The following N4BP2L2 variants were observed in gnomAD, a reference collection of about 807,000 sequenced individuals.
N4BP2L2 encodes the protein NEDD4-binding protein 2-like 2.
A neutral mutation model predicts 56.2 loss-of-function variants in N4BP2L2; 50 were observed. The ratio of observed to expected loss-of-function variants is 0.89; its 90% CI spans 0.71 to 1.13. N4BP2L2 has a LOEUF of 1.13. Among genes scored for constraint, N4BP2L2 ranks in the 50% most tolerant of loss-of-function variants. The pLI is 0.00. For synonymous variants in N4BP2L2, 203 were observed against 223.6 expected, an observed-to-expected ratio of 0.91 and a Z score of 0.82; for missense variants, 689 against 693.8, an observed-to-expected ratio of 0.99 and a Z score of 0.08.
At chr13:32,522,503 C>G in intron 3 of N4BP2L2, 1 of 301,884 alleles carries the variant, frequency 3.3e-6, no homozygotes, top group Non-Finnish European at 5.9e-6. Context: ...GACAAACTGG[C>G]TCTGAAAGGC....
chr13:32,441,888 AAAATAAATAAAT>A (rs201117316), intron 7 of N4BP2L2, among the ~76,000 whole-genome samples: 43 of 138,908 alleles, frequency 3.1e-4, no homozygotes, highest in East Asian at 6.5e-4. Flanking sequence ...CTAAAAATAC[AAAATAAATAAAT>A]AAATAAATAA....
chr13:32,481,881 C>T (rs1054295467), intron 6 of N4BP2L2, among the ~76,000 whole-genome samples: 9 of 152,260 alleles, frequency 5.9e-5, no homozygotes, highest in East Asian at 3.9e-4. Flanking sequence ...GGGAACTAGA[C>T]GCAAATATTG....
intron 6 of N4BP2L2, chr13:32,505,100 C>T (rs1418176564): frequency 6.6e-6 from 1 of 152,246 alleles, no homozygotes; most frequent in Non-Finnish European, 1.5e-5. Context: ...AGGCCTGAGC[C>T]CTCTGGTCCT....
At chr13:32,436,824 A>G (rs866066505) in intron 8 of N4BP2L2, among the ~76,000 whole-genome samples, 107 of 132,194 alleles carry the variant, frequency 8.1e-4, no homozygotes, top group African/African-American at 3.7e-3. Flanking sequence ...AGGAAGAAAG[A>G]AAGAAAGAAA....
chr13:32,526,306 A>G (rs901274076), intron 3 of N4BP2L2, among the ~76,000 whole-genome samples: 1 of 152,242 alleles, frequency 6.6e-6, no homozygotes, highest in South Asian at 2.1e-4. Context: ...TTCAAACAAA[A>G]TAACTGTGAA....
chr13:32,504,364 CA>C (rs1263539877), intron 6 of N4BP2L2: 1 of 152,228 alleles, frequency 6.6e-6, no homozygotes, highest in Non-Finnish European at 1.5e-5. Flanking sequence ...TATCTCTTCT[CA>C]GGCCTCCCTC....
intron 7 of N4BP2L2, among the ~76,000 whole-genome samples, chr13:32,439,870 A>T (rs2076035195): frequency 6.7e-6 from 1 of 149,920 alleles, no homozygotes; most frequent in Non-Finnish European, 1.5e-5. Flanking sequence ...AAAAAAAAAA[A>T]AAAAAATTAG....
At chr13:32,497,845 T>C (rs750287017) in intron 6 of N4BP2L2, among the ~76,000 whole-genome samples, 1 of 152,228 alleles carries the variant, frequency 6.6e-6, no homozygotes, top group Non-Finnish European at 1.5e-5. Flanking sequence ...CTTCTCTCAC[T>C]ACTCTAGTAT....
At chr13:32,434,089 T>G (rs2138090298) in intron 9 of N4BP2L2, among the ~76,000 whole-genome samples, 1 of 151,836 alleles carries the variant, frequency 6.6e-6, no homozygotes, top group South Asian at 2.1e-4. Context: ...TTTTGTTTTG[T>G]TTGTAGAGAT....
At chr13:32,522,324 A>G (rs2051199500) in intron 3 of N4BP2L2, 54 bp from the exon 4 acceptor site, 1 of 1,181,538 alleles carries the variant, frequency 8.5e-7, no homozygotes, top group Admixed American at 2.5e-5. Flanking sequence ...TAAAACACAC[A>G]AAAGTTAAAC....
At chr13:32,494,739 C>A (rs573527299) in intron 6 of N4BP2L2, among the ~76,000 whole-genome samples, 1 of 152,258 alleles carries the variant, frequency 6.6e-6, no homozygotes, top group Admixed American at 6.5e-5. Context: ...GCACTCCAGC[C>A]TGGGTGACAG....
At chr13:32,513,285 A>G (rs1302142361) in exon 6 of N4BP2L2, 2 of 152,226 alleles carry the variant, frequency 1.3e-5, no homozygotes, top group Non-Finnish European at 2.9e-5. Flanking sequence ...TAAATCAACT[A>G]AATTGAATCA....
chr13:32,495,502 T>C (rs971325289), intron 6 of N4BP2L2, among the ~76,000 whole-genome samples: 2 of 152,196 alleles, frequency 1.3e-5, no homozygotes, highest in Non-Finnish European at 2.9e-5. Flanking sequence ...AGGCTGTGCA[T>C]TTCTTACCTT....
chr13:32,473,062 C>A (rs1257799314), intron 6 of N4BP2L2, among the ~76,000 whole-genome samples: 2 of 152,068 alleles, frequency 1.3e-5, no homozygotes, highest in Admixed American at 1.3e-4. Flanking sequence ...GGGCAGATCA[C>A]CTGAGGTCAG....
At chr13:32,449,408 A>G (rs1324993785) in intron 6 of N4BP2L2, among the ~76,000 whole-genome samples, 1 of 152,228 alleles carries the variant, frequency 6.6e-6, no homozygotes, top group Non-Finnish European at 1.5e-5. Context: ...CTTCCAATTT[A>G]TATCAACAGA....
At chr13:32,496,406 A>G (rs953176742) in intron 6 of N4BP2L2, among the ~76,000 whole-genome samples, 2 of 152,228 alleles carry the variant, frequency 1.3e-5, no homozygotes, top group African/African-American at 4.8e-5. Flanking sequence ...AAAACAAGAA[A>G]CAGACTTGGT....
At chr13:32,436,542 C>A (rs1377197832) in intron 8 of N4BP2L2, 2 of 368,884 alleles carry the variant, frequency 5.4e-6, no homozygotes, top group Non-Finnish European at 1.0e-5. Flanking sequence ...GTAATCCCAG[C>A]ACTTTGGGAG....
exon 6 of N4BP2L2, chr13:32,515,603 T>C (rs190132796): frequency 2.6e-5 from 4 of 152,306 alleles, no homozygotes; most frequent in Admixed American, 6.5e-5. Flanking sequence ...TAGTCAGAAC[T>C]AGGAGATGAA....
At position 32,528,435 on chromosome 13, in the gene N4BP2L2, T is replaced by TA. The variant is rs372267269; in HGVS notation, c.1260-904dup. Among the ~76,000 whole-genome samples the TA allele has an allele frequency of 4.8e-3, 734 of 152,284 alleles. 13 individuals are homozygous for TA. In the East Asian group the frequency reaches 0.066, roughly 14 times the overall value. On this transcript the variant is annotated intron_variant, in intron 2 of 5. Coordinates refer to ENST00000267068, the Ensembl canonical transcript of N4BP2L2. ...TTAAATGAAATTATTAAACACTAAA[T>TA]AAAAAACTCTCAGTTCAGGTCAATG...
Sources: allele counts gnomAD v4.1 joint callset (sites outside exome capture counted in the v4.1 genomes callset), GRCh38; gene constraint gnomAD v4.1.1; transcripts MANE v1.5; gene names NCBI Gene and HGNC (gene_info 2026-07-23, HGNC 2026-07-21).